Variants in RHOU observed in about 807,000 individuals in gnomAD.
RHOU encodes rho-related GTP-binding protein RhoU.
Under a neutral mutation model 12.6 loss-of-function variants are expected in RHOU, and 8 were observed. The observed-to-expected ratio is 0.64, with a 90% confidence interval of 0.37 to 1.15. The LOEUF (loss-of-function observed/expected upper bound fraction) is 1.15, where lower values mean the gene tolerates loss of function less well. Ranked by LOEUF, RHOU falls within the 50% of genes most tolerant of loss-of-function variation. The pLI is 0.01. For synonymous variants in RHOU, 161 were observed against 147.4 expected (o/e 1.09, Z -0.67); for missense variants, 258 against 347.0 (o/e 0.74, Z 2.04).
At chr1:228,662,109 G>A in the RHOU span, among the ~76,000 whole-genome samples, 4 of 152,210 alleles carry the variant, frequency 2.6e-5, no homozygotes, top group African/African-American at 9.6e-5. Flanking sequence ...TCAGAGAAAT[G>A]CAAATCAAAA....
the RHOU span, among the ~76,000 whole-genome samples, chr1:228,716,716 A>ATG: frequency 3.8e-3 from 576 of 150,856 alleles, 3 homozygotes; most frequent in Middle Eastern, 0.027. Flanking sequence ...TATGTATGTT[A>ATG]TGTGTGTGTG....
At chr1:228,656,162 CT>C in the RHOU span, among the ~76,000 whole-genome samples, 22 of 151,444 alleles carry the variant, frequency 1.5e-4, no homozygotes, top group Non-Finnish European at 2.1e-4. Flanking sequence ...AAATAAATAT[CT>C]TTTTTTTTGT....
At chr1:228,715,096 T>A in the RHOU span, among the ~76,000 whole-genome samples, 2 of 152,108 alleles carry the variant, frequency 1.3e-5, no homozygotes, top group African/African-American at 2.4e-5. Context: ...TAGATCTATT[T>A]TTTTTTTCCT....
At chr1:228,687,658 C>T in the RHOU span, 1 of 1,544,624 alleles carries the variant, frequency 6.5e-7, no homozygotes, top group Non-Finnish European at 8.8e-7. Context: ...AAAAATGACC[C>T]CCATTTGTGT....
the RHOU span, among the ~76,000 whole-genome samples, chr1:228,690,287 C>T: frequency 1.3e-5 from 2 of 151,514 alleles, no homozygotes; most frequent in Non-Finnish European, 2.9e-5. Context: ...GCCAAGTGGG[C>T]AACTTGAGAG....
the RHOU span, among the ~76,000 whole-genome samples, chr1:228,730,053 G>A: frequency 6.6e-6 from 1 of 152,152 alleles, no homozygotes; most frequent in African/African-American, 2.4e-5. Context: ...AACATGGCAA[G>A]ACATTTTCCT....
the RHOU span, among the ~76,000 whole-genome samples, chr1:228,669,581 T>G: frequency 6.6e-6 from 1 of 152,214 alleles, no homozygotes; most frequent in South Asian, 2.1e-4. Context: ...TGTCGCTGGT[T>G]AAGAACTTAT....
In RHOU at chr1:228,746,251, A is replaced by T. The variant is rs1192994705; in HGVS notation, c.*2511A>T. 6.6e-6 allele frequency: 1 copy of T among 152,260 alleles called. No homozygotes were observed. The highest frequency in any genetic ancestry group is 1.5e-5 in the Non-Finnish European group (1 of 68,050). The allele number at this position is 152,260 out of a possible 1,614,324, so 9.4% of individuals were successfully genotyped here. On this transcript the variant is annotated 3_prime_UTR_variant, in exon 3 of 3. Transcript: ENST00000366691. Reference sequence around the variant, plus strand: ...TTTTTAAAGTATGTGTTTGAGTTAAATATAAAGTTGGTTCACTTCAAAGCT... The same window carrying T: ...TTTTTAAAGTATGTGTTTGAGTTAATTATAAAGTTGGTTCACTTCAAAGCT...
chr1:228,716,747 C>CATATATATACTTATATAT, the RHOU span, among the ~76,000 whole-genome samples: 1 of 151,240 alleles, frequency 6.6e-6, no homozygotes, highest in African/African-American at 2.4e-5. Context: ...TATACACACA[C>CATATATATACTTATATAT]ATGTGTGTGT....
At chr1:228,647,409 T>G in the RHOU span, among the ~76,000 whole-genome samples, 14 of 152,100 alleles carry the variant, frequency 9.2e-5, no homozygotes, top group Non-Finnish European at 1.9e-4. Context: ...GTGTCCTCGG[T>G]ACTGGAGTTG....
chr1:228,734,694 C>G (rs1307037681), upstream of RHOU, among the ~76,000 whole-genome samples: 1 of 152,164 alleles, frequency 6.6e-6, no homozygotes, highest in Non-Finnish European at 1.5e-5. Flanking sequence ...GGTATTCTGA[C>G]TTGGCTAAGA....
the RHOU span, among the ~76,000 whole-genome samples, chr1:228,711,457 A>G: frequency 2.6e-5 from 4 of 152,184 alleles, no homozygotes; most frequent in Admixed American, 6.5e-5. Context: ...GTACCAAAAC[A>G]GAGATATAGA....
chr1:228,726,954 A>G, the RHOU span, among the ~76,000 whole-genome samples: 3 of 152,212 alleles, frequency 2.0e-5, no homozygotes, highest in Non-Finnish European at 4.4e-5. Context: ...CCCATCCAGA[A>G]GTCTGTGCTA....
chr1:228,707,204 T>TAC, the RHOU span, among the ~76,000 whole-genome samples: 5 of 113,034 alleles, frequency 4.4e-5, no homozygotes, highest in East Asian at 2.1e-4. Context: ...TACATATATA[T>TAC]ACATATATAT....
chr1:228,692,090 T>C, the RHOU span, among the ~76,000 whole-genome samples: 2 of 152,184 alleles, frequency 1.3e-5, no homozygotes, highest in African/African-American at 2.4e-5. Flanking sequence ...AATGAGTAAA[T>C]AGCTTGCATA....
the RHOU span, among the ~76,000 whole-genome samples, chr1:228,699,316 TG>T: frequency 6.6e-6 from 1 of 150,682 alleles, no homozygotes; most frequent in Non-Finnish European, 1.5e-5. Flanking sequence ...GGGGTGGTGG[TG>T]TGTGCCTGTG....
the RHOU span, among the ~76,000 whole-genome samples, chr1:228,652,104 TC>T: frequency 1.3e-5 from 2 of 152,220 alleles, no homozygotes; most frequent in African/African-American, 2.4e-5. Flanking sequence ...TCATTGCACC[TC>T]TTCTCAGCAG....
At chr1:228,727,953 G>A in the RHOU span, among the ~76,000 whole-genome samples, 2 of 152,204 alleles carry the variant, frequency 1.3e-5, no homozygotes, top group South Asian at 2.1e-4. Context: ...TGTGATGTGT[G>A]TTTGGGGAGG....
the RHOU span, among the ~76,000 whole-genome samples, chr1:228,703,152 A>C: frequency 1.3e-5 from 2 of 152,236 alleles, no homozygotes; most frequent in African/African-American, 4.8e-5. Context: ...AACAACAGTA[A>C]GAGTTTCTAG....
Sources: allele counts gnomAD v4.1 joint callset (sites outside exome capture counted in the v4.1 genomes callset), GRCh38; gene constraint gnomAD v4.1.1; transcripts MANE v1.5; gene names NCBI Gene and HGNC (gene_info 2026-07-23, HGNC 2026-07-21).